AGBL4: variants seen among roughly 807,000 people sequenced by gnomAD.
AGBL4 encodes cytosolic carboxypeptidase 6.
In AGBL4, 58 loss-of-function variants were observed where a neutral mutation model predicts 66.4. The observed-to-expected ratio is 0.87, with a 90% confidence interval of 0.71 to 1.09. The LOEUF (loss-of-function observed/expected upper bound fraction) is 1.09, where lower values mean the gene tolerates loss of function less well. Ranked by LOEUF, AGBL4 falls within the 50% of genes least tolerant of loss-of-function variation. The pLI is 0.00. For missense variants in AGBL4, 579 were observed against 631.0 expected (o/e 0.92, Z 0.88); for synonymous variants, 234 against 222.9 (o/e 1.05, Z -0.44).
intron 1 of AGBL4, among the ~76,000 whole-genome samples, chr1:49,892,723 G>A (rs917987423): frequency 2.0e-5 from 3 of 152,120 alleles, no homozygotes; most frequent in Non-Finnish European, 4.4e-5. Context: ...AAAATACTAT[G>A]AGATAAGCTG....
At chr1:49,686,481 A>C (rs1646790276) in intron 3 of AGBL4, among the ~76,000 whole-genome samples, 1 of 152,234 alleles carries the variant, frequency 6.6e-6, no homozygotes, top group African/African-American at 2.4e-5. Context: ...AGTCATAATC[A>C]AAGCCAATTC....
At chr1:49,131,961 C>G (rs891124831) in intron 4 of AGBL4, among the ~76,000 whole-genome samples, 4 of 151,970 alleles carry the variant, frequency 2.6e-5, no homozygotes, top group African/African-American at 9.7e-5. Context: ...TATCTAAAGA[C>G]AGAGAACCAG....
chr1:48,886,772 C>A (rs1650396329), intron 5 of AGBL4, among the ~76,000 whole-genome samples: 1 of 152,060 alleles, frequency 6.6e-6, no homozygotes, highest in South Asian at 2.1e-4. Flanking sequence ...AGGATGGTCT[C>A]GATCTCCAGA....
intron 3 of AGBL4, among the ~76,000 whole-genome samples, chr1:49,343,940 T>G (rs1282473716): frequency 6.6e-6 from 1 of 152,192 alleles, no homozygotes; most frequent in African/African-American, 2.4e-5. Flanking sequence ...CCTTCAAAAT[T>G]TAGACATTTG....
Position 48,593,666 on chromosome 1 carries a change from G to A in AGBL4, c.952-2681C>T, listed in dbSNP as rs925853818. Among the ~76,000 whole-genome samples, 12 of 152,112 alleles carry A rather than the reference G, an allele frequency of 7.9e-5. No homozygotes were observed. In the East Asian group the frequency reaches 2.1e-3, roughly 27 times the overall value. ...CTCAGGAGGCTGAGGCAGGAGACCC[G>A]CTTGAACCCAGGAGGTGGAGGGTGC... On this transcript the variant is annotated intron_variant, in intron 9 of 13. Transcript: ENST00000371839.
At chr1:49,925,903 C>G (rs1652717998) in intron 1 of AGBL4, among the ~76,000 whole-genome samples, 1 of 152,164 alleles carries the variant, frequency 6.6e-6, no homozygotes. Context: ...GAATCCAGGT[C>G]CTGGTTCCCA....
intron 4 of AGBL4, among the ~76,000 whole-genome samples, chr1:49,211,149 C>T (rs1363779963): frequency 6.6e-6 from 1 of 152,038 alleles, no homozygotes; most frequent in African/African-American, 2.4e-5. Context: ...TTAAAATGCC[C>T]ATTGCTTTTA....
intron 3 of AGBL4, among the ~76,000 whole-genome samples, chr1:49,380,646 G>C (rs1166999352): frequency 2.0e-5 from 3 of 152,074 alleles, no homozygotes; most frequent in Admixed American, 6.5e-5. Context: ...CCAAAACAGA[G>C]ATATAGATCA....
intron 8 of AGBL4, among the ~76,000 whole-genome samples, chr1:48,638,801 G>A (rs1247089314): frequency 6.6e-6 from 1 of 152,180 alleles, no homozygotes; most frequent in Non-Finnish European, 1.5e-5. Flanking sequence ...GGCAGACATC[G>A]AAGAAGTAGT....
chr1:49,749,872 A>C (rs551897983), intron 2 of AGBL4, among the ~76,000 whole-genome samples: 41 of 152,278 alleles, frequency 2.7e-4, no homozygotes, highest in Non-Finnish European at 4.7e-4. Context: ...GTATATGAAA[A>C]TGTAATAGAA....
At chr1:48,557,067 G>T (rs1285812906) in intron 11 of AGBL4, among the ~76,000 whole-genome samples, 1 of 152,148 alleles carries the variant, frequency 6.6e-6, no homozygotes, top group African/African-American at 2.4e-5. Flanking sequence ...TGGGATTACA[G>T]GTGTTAGCCA....
Position 48,954,481 on chromosome 1 carries a change from G to A in AGBL4, c.595-87251C>T, listed in dbSNP as rs75031595. Among the ~76,000 whole-genome samples, 22 of 152,266 alleles carry A rather than the reference G, an allele frequency of 1.4e-4. No individual in the cohort carries two copies. In the East Asian group the frequency reaches 4.1e-3, roughly 28 times the overall value. ...AGTCACAGAGAGCAGAAAGTGACCT[G>A]CCCAAGAGCACAGAGCAACTTTTTG... On this transcript the variant is annotated intron_variant, in intron 5 of 13. Coordinates refer to ENST00000371839, the MANE Select transcript of AGBL4 (RefSeq NM_032785.4).
chr1:49,175,399 C>A (rs1410654104), intron 4 of AGBL4, among the ~76,000 whole-genome samples: 2 of 151,876 alleles, frequency 1.3e-5, no homozygotes, highest in Non-Finnish European at 2.9e-5. Flanking sequence ...CACATTTTAT[C>A]ATTTCTGAAA....
intron 9 of AGBL4, among the ~76,000 whole-genome samples, chr1:48,610,345 C>A (rs1645218423): frequency 1.3e-5 from 2 of 152,122 alleles, no homozygotes; most frequent in Admixed American, 6.5e-5. Flanking sequence ...GCTACCCACA[C>A]TGGGCTACTG....
chr1:49,070,490 CAT>C (rs1352349852), intron 4 of AGBL4, among the ~76,000 whole-genome samples: 1 of 151,916 alleles, frequency 6.6e-6, no homozygotes, highest in Admixed American at 6.6e-5. Context: ...TTGAGCTAAT[CAT>C]GTGGTTTTTG....
At chr1:48,642,058 C>T (rs1275301399) in intron 8 of AGBL4, among the ~76,000 whole-genome samples, 1 of 152,182 alleles carries the variant, frequency 6.6e-6, no homozygotes, top group Non-Finnish European at 1.5e-5. Context: ...CAGAATAATG[C>T]CACTTGGTTT....
chr1:49,738,278 G>C (rs907150885), intron 2 of AGBL4, among the ~76,000 whole-genome samples: 7 of 152,188 alleles, frequency 4.6e-5, no homozygotes, highest in Non-Finnish European at 1.0e-4. Context: ...CTGGATCGGG[G>C]GTCCTACGCC....
chr1:49,805,680 G>A (rs1644960964), intron 2 of AGBL4, among the ~76,000 whole-genome samples: 1 of 152,138 alleles, frequency 6.6e-6, no homozygotes, highest in Admixed American at 6.5e-5. Flanking sequence ...GCAATGTGAT[G>A]CTATTTGTAG....
intron 3 of AGBL4, among the ~76,000 whole-genome samples, chr1:49,664,643 A>G (rs1254256650): frequency 6.6e-6 from 1 of 152,122 alleles, no homozygotes; most frequent in Admixed American, 6.6e-5. Flanking sequence ...TCAACGGTGC[A>G]TAATAACACT....
Sources: gnomAD v4.1 joint callset for allele counts (sites outside exome capture counted in the v4.1 genomes callset) on GRCh38, gnomAD v4.1.1 for gene constraint, MANE v1.5 for transcripts, NCBI Gene and HGNC (gene_info 2026-07-23, HGNC 2026-07-21) for gene names.